The following ZDHHC13 variants were observed in gnomAD, a reference collection of about 807,000 sequenced individuals.
ZDHHC13 encodes the protein palmitoyltransferase ZDHHC13.
In ZDHHC13, 85 loss-of-function variants were observed where a neutral mutation model predicts 86.0. That is an observed-to-expected ratio of 0.99 (90% CI 0.83 to 1.18). The LOEUF (loss-of-function observed/expected upper bound fraction) is 1.18. ZDHHC13 is among the 50% of genes most tolerant of loss of function. ZDHHC13 has a pLI of 0.00. For synonymous variants in ZDHHC13, 263 were observed against 246.4 expected (o/e 1.07, Z -0.63); for missense variants, 711 against 730.2 (o/e 0.97, Z 0.30).
In ZDHHC13 at chr11:19,140,647, T is replaced by C. The variant is rs1044151229; in HGVS notation, c.28-2331T>C. ...TTTATTGCGGCATTATTCACAATAGTGAAGACTTGGAACCAACCCAAATGT... is the reference window on the plus strand; with the variant it reads ...TTTATTGCGGCATTATTCACAATAGCGAAGACTTGGAACCAACCCAAATGT... On this transcript the variant is annotated intron_variant, in intron 1 of 16. Coordinates refer to ENST00000446113, the MANE Select transcript of ZDHHC13 (RefSeq NM_019028.3). 6.5e-3 allele frequency among the ~76,000 whole-genome samples: 995 copies of C among 151,978 alleles called. 8 individuals are homozygous for C. Among genetic ancestry groups the C allele is most frequent in the African/African-American group, 0.023 (939 of 41,418 alleles).
rs1850076299 is a variant in ZDHHC13 at position 19,166,573 on chromosome 11, T to C, written c.1474+188T>C. The stretch of plus-strand genomic sequence containing the variant: ...AAGAAATACAAGATGAGGTTAGTTC[T>C]CAGTACTTTAGGAAAAAAATGTGAT... On this transcript the variant is annotated intron_variant, in intron 14 of 16. Coordinates refer to ENST00000446113, the MANE Select transcript of ZDHHC13 (RefSeq NM_019028.3). 1.1e-5 allele frequency: 5 copies of C among 463,764 alleles called. No individual in the cohort carries two copies. In the South Asian group the frequency reaches 1.3e-4, roughly 12 times the overall value. 28.7% of individuals were successfully genotyped at this position (463,764 alleles called of 1,614,324 possible). A position where few individuals can be genotyped will look rare whatever the true frequency, so the allele number is the denominator to read the frequency against.
Position 19,125,938 on chromosome 11 carries a change from G to A in ZDHHC13, c.27+8662G>A, listed in dbSNP as rs185278136. On this transcript the variant is annotated intron_variant, in intron 1 of 16. Transcript: ENST00000446113. ...AAGAGTTGGTTGGGGTTACGGGAGG[G>A]TATGACTGCAAAGGATGATGGTGGC... Among the ~76,000 whole-genome samples, 132 of 152,184 alleles carry A rather than the reference G, an allele frequency of 8.7e-4. 1 individual carries two copies. Among genetic ancestry groups the A allele is most frequent in the Non-Finnish European group, 1.8e-3 (122 of 68,008 alleles).
At chr11:19,150,888 G>A in intron 6 of ZDHHC13, 97 bp downstream of exon 6, 1 of 1,039,796 alleles carries the variant, frequency 9.6e-7, no homozygotes. Flanking sequence ...TGAGATGATA[G>A]TACATTGAAG....
intron 1 of ZDHHC13, among the ~76,000 whole-genome samples, chr11:19,141,995 T>C (rs1208177474): frequency 6.6e-6 from 1 of 152,182 alleles, no homozygotes; most frequent in African/African-American, 2.4e-5. Context: ...CACCTACTTA[T>C]TAGCACTATG....
chr11:19,141,962 A>T (rs1180681133), intron 1 of ZDHHC13, among the ~76,000 whole-genome samples: 1 of 152,146 alleles, frequency 6.6e-6, no homozygotes, highest in South Asian at 2.1e-4. Flanking sequence ...ACAAATTACC[A>T]CGCATTTAGT....
At chr11:19,146,391 C>G in intron 3 of ZDHHC13, 88 bp downstream of exon 3, 1 of 1,413,886 alleles carries the variant, frequency 7.1e-7, no homozygotes. Flanking sequence ...GGTATTGAAC[C>G]ATGTGTAATC....
chr11:19,147,566 C>G (rs773897822), intron 3 of ZDHHC13, 30 bp from the exon 4 acceptor site: 15 of 1,546,826 alleles, frequency 9.7e-6, no homozygotes, highest in Admixed American at 1.9e-5. Flanking sequence ...AGTTTCAAAT[C>G]TTACTTTCAT....
At position 19,164,326 on chromosome 11, in the gene ZDHHC13, G is replaced by A; in HGVS notation, c.1259G>A (p.Gly420Asp). 6.2e-7 allele frequency: 1 copy of A among 1,613,114 alleles called. No homozygotes were observed. Among genetic ancestry groups the A allele is most frequent in the African/African-American group, 1.3e-5 (1 of 74,984 alleles). The change falls in exon 12 of 17, where the codon GGC becomes GAC. Residue 420 changes from glycine to aspartate, a missense_variant. Gly to Asp is a moderately conservative substitution (Grantham distance 94). Coordinates refer to ENST00000446113, the MANE Select transcript of ZDHHC13 (RefSeq NM_019028.3). ...KVNIITLAET[G>D]SLDFRTFCTS... ...AATATCATCACCCTTGCAGAAACTG[G>A]CTCTCTGGACTTCAGAACATTTTGT...
At chr11:19,124,817 A>G (rs1212467851) in intron 1 of ZDHHC13, among the ~76,000 whole-genome samples, 3 of 152,230 alleles carry the variant, frequency 2.0e-5, no homozygotes, top group Admixed American at 6.5e-5. Context: ...TCAGAAAAGC[A>G]GGTGGACTGA....
chr11:19,164,219 A>C (rs1849991805), intron 11 of ZDHHC13, 82 bp from the exon 12 acceptor site: 1 of 1,410,776 alleles, frequency 7.1e-7, no homozygotes, highest in Non-Finnish European at 9.8e-7. Flanking sequence ...GTTTGGAGCG[A>C]GAACTGTGAG....
At chr11:19,144,641 A>G (rs542563216) in intron 2 of ZDHHC13, among the ~76,000 whole-genome samples, 3 of 152,278 alleles carry the variant, frequency 2.0e-5, no homozygotes, top group African/African-American at 7.2e-5. Context: ...ACACACACGC[A>G]CACACACACG....
chr11:19,167,299 A>G (rs1393435765), intron 14 of ZDHHC13: 3 of 152,172 alleles, frequency 2.0e-5, no homozygotes, highest in Admixed American at 1.3e-4. Flanking sequence ...GTCTGGAGTA[A>G]TTCCGAAAGA....
intron 15 of ZDHHC13, 108 bp downstream of exon 15, chr11:19,170,676 C>A: frequency 1.8e-6 from 2 of 1,087,474 alleles, no homozygotes; most frequent in Non-Finnish European, 2.6e-6. Context: ...TTACCTCTGT[C>A]ACTGACTCTG....
At chr11:19,143,324 A>T (rs960947715) in intron 2 of ZDHHC13, among the ~76,000 whole-genome samples, 7 of 152,198 alleles carry the variant, frequency 4.6e-5, no homozygotes, top group Non-Finnish European at 1.0e-4. Flanking sequence ...ACGTCCCATT[A>T]GATTGTAGGC....
rs1461711690 is a variant in ZDHHC13 at position 19,170,567 on chromosome 11, AG to A, written c.1632+1del. ...TTTTTATTATTAAATCAACTCTTTCAGGTATTTATTTCTCTTCTTATAATGG... is the reference window on the plus strand; with the variant it reads ...TTTTTATTATTAAATCAACTCTTTCAGTATTTATTTCTCTTCTTATAATGG... ...STFLLLNQLFQIAFLGLTSHE... is the reference protein window; with the variant it reads ...STFLLLNQLFXIAFLGLTSHE... On this transcript the variant is annotated frameshift_variant and splice_region_variant, in exon 15 of 17. Transcript: ENST00000446113. LOFTEE classifies it high-confidence loss of function. The A allele has an allele frequency of 6.6e-7, 1 of 1,519,596 alleles. No homozygotes were observed. Among genetic ancestry groups the A allele is most frequent in the Non-Finnish European group, 8.8e-7 (1 of 1,139,132 alleles). 94.1% of individuals were successfully genotyped at this position (1,519,596 alleles called of 1,614,324 possible).
intron 1 of ZDHHC13, among the ~76,000 whole-genome samples, chr11:19,137,565 A>G (rs1000449711): frequency 2.0e-5 from 3 of 151,948 alleles, no homozygotes; most frequent in African/African-American, 4.8e-5. Context: ...CACCAAGCGG[A>G]CCTAATAGAC....
At chr11:19,129,665 T>C (rs1475118472) in intron 1 of ZDHHC13, among the ~76,000 whole-genome samples, 1 of 152,222 alleles carries the variant, frequency 6.6e-6, no homozygotes, top group Non-Finnish European at 1.5e-5. Context: ...GTCTTTTTTA[T>C]ATATTACTGG....
chr11:19,118,527 T>A (rs915393852), intron 1 of ZDHHC13, among the ~76,000 whole-genome samples: 2 of 152,264 alleles, frequency 1.3e-5, no homozygotes, highest in Non-Finnish European at 2.9e-5. Flanking sequence ...GTAACTATTA[T>A]GTCTTAATTA....
chr11:19,169,457 T>A lies in ZDHHC13; in HGVS notation c.1475-954T>A, dbSNP rs547892477. The A allele has an allele frequency of 1.0e-5, 10 of 985,468 alleles. No homozygotes were observed. The South Asian group carries it at 4.2e-4, about 42-fold the overall frequency. 61.0% of individuals were successfully genotyped at this position (985,468 alleles called of 1,614,324 possible). A position where few individuals can be genotyped will look rare whatever the true frequency, so the allele number is the denominator to read the frequency against. Reference sequence around the variant, plus strand: ...AGATTTTTAGGATTTAAATGGACAGTTGACAGGAAAGTCATAGACTCATTT... The same window carrying A: ...AGATTTTTAGGATTTAAATGGACAGATGACAGGAAAGTCATAGACTCATTT... On this transcript the variant is annotated intron_variant, in intron 14 of 16. Transcript: ENST00000446113.
Sources: allele counts gnomAD v4.1 joint callset (sites outside exome capture counted in the v4.1 genomes callset), GRCh38; gene constraint gnomAD v4.1.1; transcripts MANE v1.5; gene names NCBI Gene and HGNC (gene_info 2026-07-23, HGNC 2026-07-21).